The following TENM3 variants were observed in gnomAD, a reference collection of about 807,000 sequenced individuals.
TENM3 encodes teneurin transmembrane protein 3, also known as teneurin-3.
Under a neutral mutation model 255.1 loss-of-function variants are expected in TENM3, and 63 were observed. The observed-to-expected ratio is 0.25, with a 90% CI of 0.20 to 0.30. The LOEUF (loss-of-function observed/expected upper bound fraction) is 0.30, where lower values mean the gene tolerates loss of function less well. Among genes scored for constraint, TENM3 ranks in the 10% least tolerant of loss-of-function variants. The pLI, the probability that TENM3 is intolerant of heterozygous loss-of-function variation, is 1.00. For missense variants in TENM3, 2,929 were observed against 3,461.1 expected, an observed-to-expected ratio of 0.85 and a Z score of 3.86; for synonymous variants, 1,306 against 1,322.3, an observed-to-expected ratio of 0.99 and a Z score of 0.27.
At chr4:181,831,477 T>G in the TENM3 span, among the ~76,000 whole-genome samples, 1 of 140,740 alleles carries the variant, frequency 7.1e-6, no homozygotes, top group African/African-American at 2.7e-5. Flanking sequence ...ACCTATCATT[T>G]TAATTAACAT....
At chr4:181,557,618 C>T in the TENM3 span, among the ~76,000 whole-genome samples, 1 of 152,078 alleles carries the variant, frequency 6.6e-6, no homozygotes, top group Non-Finnish European at 1.5e-5. Context: ...CTTCGACTTC[C>T]CAGGCTCAAG....
the TENM3 span, chr4:182,079,759 C>G: frequency 1.3e-5 from 2 of 152,340 alleles, no homozygotes; most frequent in Admixed American, 1.3e-4. Context: ...ATTTCTCTGG[C>G]CAGCACGTGC....
chr4:182,037,065 T>C, the TENM3 span, among the ~76,000 whole-genome samples: 2 of 152,066 alleles, frequency 1.3e-5, no homozygotes, highest in Non-Finnish European at 2.9e-5. Flanking sequence ...AAAATAAAAA[T>C]AATGGAGTTC....
chr4:182,759,747 T>TA (rs1337389539), intron 22 of TENM3, among the ~76,000 whole-genome samples: 2 of 152,248 alleles, frequency 1.3e-5, no homozygotes, highest in Non-Finnish European at 2.9e-5. Flanking sequence ...ATAAGGTTTT[T>TA]ATCAATCACC....
chr4:181,467,059 TA>T, the TENM3 span, among the ~76,000 whole-genome samples: 865 of 68,826 alleles, frequency 0.013, 28 homozygotes, highest in East Asian at 0.16. Flanking sequence ...AATATTTTAC[TA>T]GTGTGTGTGT....
Position 182,628,565 on chromosome 4 carries a change from G to A in TENM3, c.750-86G>A. The A allele has an allele frequency of 6.1e-6, 5 of 819,314 alleles. No homozygotes were observed. In the South Asian group the frequency reaches 8.3e-5, roughly 14 times the overall value. The allele number at this position is 819,314 out of a possible 1,614,324, so 50.8% of individuals were successfully genotyped here. On this transcript the variant is annotated intron_variant, in intron 4 of 27. Coordinates refer to ENST00000511685, the MANE Select transcript of TENM3 (RefSeq NM_001080477.4). ...TAAAAAAGAGAGAGAGAGCAAAAGA[G>A]ACAGGAGAGCTAAATGCATCGCTGT...
At chr4:182,324,493 A>G (rs1374510490) in intron 2 of TENM3, among the ~76,000 whole-genome samples, 1 of 152,222 alleles carries the variant, frequency 6.6e-6, no homozygotes, top group Non-Finnish European at 1.5e-5. Context: ...CTCACCTGCT[A>G]TACGTGAGGT....
chr4:182,579,639 G>C (rs1173822319), intron 3 of TENM3, among the ~76,000 whole-genome samples: 2 of 152,144 alleles, frequency 1.3e-5, no homozygotes, highest in Non-Finnish European at 2.9e-5. Context: ...TTTTTTAGTA[G>C]AAGAGTAATG....
At chr4:182,521,899 C>A (rs1187375859) in intron 3 of TENM3, among the ~76,000 whole-genome samples, 1 of 152,032 alleles carries the variant, frequency 6.6e-6, no homozygotes, top group Admixed American at 6.6e-5. Flanking sequence ...ACGAATTTTT[C>A]TTACAAGTGA....
chr4:181,595,587 AC>A, the TENM3 span, among the ~76,000 whole-genome samples: 1 of 152,044 alleles, frequency 6.6e-6, no homozygotes, highest in African/African-American at 2.4e-5. Flanking sequence ...GGCATAATGA[AC>A]CAAAAATGGT....
intron 6 of TENM3, among the ~76,000 whole-genome samples, chr4:182,656,781 G>A (rs77843053): frequency 6.6e-6 from 1 of 152,292 alleles, no homozygotes; most frequent in African/African-American, 2.4e-5. Flanking sequence ...CAATCATTGT[G>A]CTAAGGGTGC....
At chr4:181,488,610 A>T in the TENM3 span, among the ~76,000 whole-genome samples, 1 of 152,164 alleles carries the variant, frequency 6.6e-6, no homozygotes, top group Non-Finnish European at 1.5e-5. Flanking sequence ...CTATGTGGCC[A>T]CTTAAAAAAA....
At chr4:182,527,432 A>G (rs1447302202) in intron 3 of TENM3, among the ~76,000 whole-genome samples, 2 of 152,110 alleles carry the variant, frequency 1.3e-5, no homozygotes, top group Non-Finnish European at 2.9e-5. Context: ...TGTTACTAAA[A>G]CAAACCAAAA....
chr4:181,455,095 G>A, the TENM3 span, among the ~76,000 whole-genome samples: 3 of 152,020 alleles, frequency 2.0e-5, no homozygotes, highest in African/African-American at 4.8e-5. Context: ...ATCAGAGTAG[G>A]TGCTAAATAA....
chr4:181,502,812 A>C, the TENM3 span, among the ~76,000 whole-genome samples: 1 of 152,190 alleles, frequency 6.6e-6, no homozygotes, highest in Non-Finnish European at 1.5e-5. Flanking sequence ...TCCTCAGGCC[A>C]GCGTCAGGTA....
chr4:182,675,485 A>G (rs1275456202), intron 7 of TENM3, among the ~76,000 whole-genome samples: 1 of 151,968 alleles, frequency 6.6e-6, no homozygotes, highest in Admixed American at 6.6e-5. Context: ...AGATTGCAGT[A>G]AGTGAGAGAT....
intron 7 of TENM3, among the ~76,000 whole-genome samples, chr4:182,678,667 G>A (rs1755848193): frequency 6.6e-6 from 1 of 152,184 alleles, no homozygotes; most frequent in Admixed American, 6.5e-5. Context: ...CCTGTAAAGT[G>A]CAAATGTTAA....
At chr4:182,246,978 G>A (rs1757696827) in intron 1 of TENM3, among the ~76,000 whole-genome samples, 1 of 152,208 alleles carries the variant, frequency 6.6e-6, no homozygotes, top group African/African-American at 2.4e-5. Context: ...CGGAGGCGAT[G>A]CCCACATCGA....
chr4:181,768,320 G>T, the TENM3 span, among the ~76,000 whole-genome samples: 2 of 152,220 alleles, frequency 1.3e-5, no homozygotes, highest in African/African-American at 4.8e-5. Flanking sequence ...GACGCTAACT[G>T]GTCTAAAATT....
Sources: gnomAD v4.1 joint callset for allele counts (sites outside exome capture counted in the v4.1 genomes callset) on GRCh38, gnomAD v4.1.1 for gene constraint, MANE v1.5 for transcripts, NCBI Gene and HGNC (gene_info 2026-07-23, HGNC 2026-07-21) for gene names.